DGKH: variants seen among roughly 807,000 people sequenced by gnomAD.
The protein encoded by DGKH is diacylglycerol kinase eta.
A neutral mutation model predicts 159.3 loss-of-function variants in DGKH; 90 were observed. The observed-to-expected ratio is 0.57, with a 90% CI of 0.48 to 0.67. The LOEUF is 0.67. DGKH is among the 30% of genes least tolerant of loss of function. The probability of loss-of-function intolerance (pLI) is 0.00; values close to 1 mark genes in which losing one functional copy is unlikely to be tolerated. For missense variants in DGKH, 1,181 were observed against 1,506.1 expected (o/e 0.78, Z 3.57); for synonymous variants, 536 against 553.8 (o/e 0.97, Z 0.45).
rs1958425949 is a variant in DGKH, at chr13:42,236,926, A to AC, written c.*7744dup. 1 of 151,478 alleles carries AC rather than the reference A, an allele frequency of 6.6e-6. No individual in the cohort carries two copies. Among genetic ancestry groups the AC allele is most frequent in the Non-Finnish European group, 1.5e-5 (1 of 67,926 alleles). The allele number at this position is 151,478 out of a possible 1,614,324, so 9.4% of individuals were successfully genotyped here. A position where few individuals can be genotyped will look rare whatever the true frequency, so the allele number is the denominator to read the frequency against. ...TCAGGGGGAAAAAAAAGAATTTTGAACCCCCCAAAATATCACATATCTAGC... is the reference window on the plus strand; with the variant it reads ...TCAGGGGGAAAAAAAAGAATTTTGAACCCCCCCAAAATATCACATATCTAGC... On this transcript the variant is annotated 3_prime_UTR_variant, in exon 30 of 30. Transcript: ENST00000337343.
chr13:42,160,040 C>A lies in DGKH; in HGVS notation c.759C>A (p.Gly253=), dbSNP rs9562382. 6.2e-7 allele frequency: 1 copy of A among 1,614,020 alleles called. No homozygotes were observed. Among genetic ancestry groups the A allele is most frequent in the African/African-American group, 1.3e-5 (1 of 74,912 alleles). The change falls in exon 7 of 30, where the codon GGC becomes GGA. Residue 253 remains glycine, a synonymous_variant. Coordinates refer to ENST00000337343, the MANE Select transcript of DGKH (RefSeq NM_178009.5). ...GVAMPHQWLE[G]NLPVSAKCAV... is the part of the protein sequence containing the mutation. ...CGATGCCTCACCAGTGGCTTGAGGG[C>A]AACCTGCCTGTAAGTGCCAAGTGTG...
chr13:42,106,319 T>G (rs192899758), intron 1 of DGKH, among the ~76,000 whole-genome samples: 70 of 152,272 alleles, frequency 4.6e-4, no homozygotes, highest in African/African-American at 1.6e-3. Context: ...CAGGAATGTG[T>G]GTTTCTTAGG....
At chr13:42,252,041 C>T (rs556160148) in intron 29 of DGKH, among the ~76,000 whole-genome samples, 117 of 152,158 alleles carry the variant, frequency 7.7e-4, no homozygotes, top group African/African-American at 2.7e-3. Context: ...AAACTCTTAA[C>T]CTCTGTGGTC....
intron 30 of DGKH, chr13:42,255,783 A>AT (rs562783604): frequency 7.7e-5 from 38 of 495,918 alleles, no homozygotes; most frequent in Admixed American, 7.4e-5. Flanking sequence ...ATAAGGGAAT[A>AT]TTTTCTCTGT....
intron 1 of DGKH, among the ~76,000 whole-genome samples, chr13:42,104,624 A>G (rs190432539): frequency 1.1e-3 from 175 of 152,298 alleles, no homozygotes; most frequent in Non-Finnish European, 4.0e-4. Context: ...AGTTGTTCAC[A>G]TGGCCAGATG....
chr13:42,194,463 A>G lies in DGKH; in HGVS notation c.2036-422A>G, dbSNP rs572010739. The stretch of plus-strand genomic sequence containing the variant: ...CATTTATTGAAGACAATGTTAAATC[A>G]TGTTTCACGTGTTTGCTCTGGGAAT... On this transcript the variant is annotated intron_variant, in intron 16 of 29. Coordinates refer to ENST00000337343, the MANE Select transcript of DGKH (RefSeq NM_178009.5). 2.6e-5 allele frequency among the ~76,000 whole-genome samples: 4 copies of G among 152,316 alleles called. No homozygotes were observed. The South Asian group carries it at 6.2e-4, about 24-fold the overall frequency.
At chr13:42,136,802 C>A (rs1177341101) in intron 3 of DGKH, among the ~76,000 whole-genome samples, 1 of 152,114 alleles carries the variant, frequency 6.6e-6, no homozygotes, top group African/African-American at 2.4e-5. Flanking sequence ...ATATTTAGAA[C>A]TAAATGATCA....
chr13:42,045,914 A>ACTTT (rs1880771593), upstream of DGKH, among the ~76,000 whole-genome samples: 2 of 152,366 alleles, frequency 1.3e-5, no homozygotes, highest in Admixed American at 1.3e-4. Context: ...ATAATACACG[A>ACTTT]ATATTCATAA....
At chr13:42,199,126 A>G (rs182609817) in intron 18 of DGKH, among the ~76,000 whole-genome samples, 7 of 152,304 alleles carry the variant, frequency 4.6e-5, no homozygotes, top group African/African-American at 9.6e-5. Flanking sequence ...CACCTGGAAG[A>G]ATGGATTGGA....
chr13:42,198,078 A>G (rs1047381979), intron 17 of DGKH, among the ~76,000 whole-genome samples: 1 of 152,264 alleles, frequency 6.6e-6, no homozygotes, highest in Non-Finnish European at 1.5e-5. Context: ...TGATTTGAGA[A>G]TATGGAACTG....
In DGKH at chr13:42,242,469, A is replaced by G. The variant is rs1482954665; in HGVS notation, c.*13281A>G. 1.3e-5 allele frequency: 2 copies of G among 152,220 alleles called. No individual in the cohort carries two copies. Among genetic ancestry groups the G allele is most frequent in the Non-Finnish European group, 2.9e-5 (2 of 68,024 alleles). The allele number at this position is 152,220 out of a possible 1,614,324, so 9.4% of individuals were successfully genotyped here. ...AAATATACCTGACAGAGCAGAGGTT[A>G]TAACTTTGGCTCTAATTACTTTTAG... On this transcript the variant is annotated 3_prime_UTR_variant, in exon 30 of 30. Coordinates refer to ENST00000337343, the MANE Select transcript of DGKH (RefSeq NM_178009.5).
chr13:42,071,106 A>G (rs1882937172), intron 1 of DGKH: 1 of 908,380 alleles, frequency 1.1e-6, no homozygotes, highest in East Asian at 2.6e-5. Context: ...TGAAACCCTT[A>G]TGATTGCCTT....
intron 3 of DGKH, among the ~76,000 whole-genome samples, chr13:42,141,103 C>T (rs768238391): frequency 1.3e-4 from 18 of 140,492 alleles, no homozygotes; most frequent in Non-Finnish European, 2.0e-4. Context: ...CTTCCTGTGT[C>T]CATGTGTTCT....
At position 42,199,817 on chromosome 13, in the gene DGKH, C is replaced by T. The variant is rs755370811; in HGVS notation, c.2401C>T (p.Arg801Ter). The stretch of plus-strand genomic sequence containing the variant: ...CCTGCCAATATTTATTTTCAGGAGC[C>T]GAACTAAAAACTTGATGTGGTATGG... ...REEHPEKCRS[R>*]TKNLMWYGVL... is the part of the protein sequence containing the mutation. Residue 801 changes from arginine (R) to a stop codon, truncating the protein, a stop_gained, in exon 20 of 30, where the codon CGA becomes TGA. Transcript: ENST00000337343. LOFTEE classifies it high-confidence loss of function. 6 of 1,598,724 alleles carry T rather than the reference C, an allele frequency of 3.8e-6. No homozygotes were observed. Among genetic ancestry groups the T allele is most frequent in the Non-Finnish European group, 4.3e-6 (5 of 1,176,080 alleles).
intron 1 of DGKH, among the ~76,000 whole-genome samples, chr13:42,076,270 A>G (rs961155016): frequency 9.2e-5 from 14 of 152,188 alleles, no homozygotes; most frequent in Non-Finnish European, 4.4e-5. Flanking sequence ...TGGATAGGAG[A>G]CAGCTCAATT....
At chr13:42,186,951 A>C (rs1344334866) in intron 13 of DGKH, 98 bp from the exon 14 acceptor site, 2 of 1,006,480 alleles carry the variant, frequency 2.0e-6, no homozygotes, top group Non-Finnish European at 3.0e-6. Context: ...CAGATATTTG[A>C]CAGTTTGCTT....
chr13:42,186,802 TC>T (rs1373344610), intron 13 of DGKH, among the ~76,000 whole-genome samples: 1 of 152,226 alleles, frequency 6.6e-6, no homozygotes, highest in Non-Finnish European at 1.5e-5. Flanking sequence ...GAGGAAAGCT[TC>T]TTATAACATT....
At chr13:42,137,734 G>C (rs947681066) in intron 3 of DGKH, among the ~76,000 whole-genome samples, 5 of 152,192 alleles carry the variant, frequency 3.3e-5, no homozygotes, top group African/African-American at 1.2e-4. Flanking sequence ...GTACTTTAAA[G>C]AGAAATGTTG....
chr13:42,194,081 T>C (rs987231420), intron 16 of DGKH, among the ~76,000 whole-genome samples: 3 of 152,180 alleles, frequency 2.0e-5, no homozygotes, highest in African/African-American at 7.2e-5. Context: ...GAATAAATAA[T>C]TGAGAAGTAC....
Sources: allele counts gnomAD v4.1 joint callset (sites outside exome capture counted in the v4.1 genomes callset), GRCh38; gene constraint gnomAD v4.1.1; transcripts MANE v1.5; gene names NCBI Gene and HGNC (gene_info 2026-07-23, HGNC 2026-07-21).